PDZD2: variants seen among roughly 807,000 people sequenced by gnomAD.
The protein encoded by PDZD2 is PDZ domain containing 2.
A neutral mutation model predicts 220.7 loss-of-function variants in PDZD2; 90 were observed. The observed-to-expected ratio is 0.41, with a 90% CI of 0.34 to 0.49. PDZD2 has a LOEUF of 0.49. Ranked by LOEUF, PDZD2 falls within the 20% of genes least tolerant of loss-of-function variation. The pLI is 0.28. For missense variants in PDZD2, 3,174 were observed against 3,608.5 expected (o/e 0.88, Z 3.08); for synonymous variants, 1,375 against 1,450.5 (o/e 0.95, Z 1.18).
intron 1 of PDZD2, among the ~76,000 whole-genome samples, chr5:31,759,690 T>C (rs1447407396): frequency 2.0e-5 from 3 of 151,896 alleles, no homozygotes; most frequent in African/African-American, 7.3e-5. Context: ...GGATTACAGA[T>C]GCATGCCACC....
intron 1 of PDZD2, among the ~76,000 whole-genome samples, chr5:31,782,285 T>C (rs1753102871): frequency 6.6e-6 from 1 of 152,210 alleles, no homozygotes; most frequent in Non-Finnish European, 1.5e-5. Context: ...ACATGGGACA[T>C]ACCTACATTA....
chr5:32,052,184 T>C (rs558700612), intron 8 of PDZD2, among the ~76,000 whole-genome samples: 1 of 152,330 alleles, frequency 6.6e-6, no homozygotes, highest in East Asian at 1.9e-4. Flanking sequence ...CTCACTCTGT[T>C]GCCCAGGCTG....
intron 2 of PDZD2, among the ~76,000 whole-genome samples, chr5:31,819,457 G>T (rs1348126255): frequency 1.3e-5 from 2 of 152,014 alleles, no homozygotes; most frequent in Non-Finnish European, 2.9e-5. Flanking sequence ...AGGAGTTGAA[G>T]ACCAGCCTGA....
At chr5:32,012,364 C>T (rs1023235278) in intron 6 of PDZD2, among the ~76,000 whole-genome samples, 5 of 152,098 alleles carry the variant, frequency 3.3e-5, no homozygotes, top group Non-Finnish European at 5.9e-5. Flanking sequence ...CTTACAAGCA[C>T]GCATATTTTT....
rs1323343854 is a variant in PDZD2, at chr5:32,088,103, A to G, written c.4655A>G (p.Tyr1552Cys). ...ACGGAGCCGTCTCTGTCATCCATGTATGGCGATGCTGAGGATTCTTCTTCT... is the reference window on the plus strand; with the variant it reads ...ACGGAGCCGTCTCTGTCATCCATGTGTGGCGATGCTGAGGATTCTTCTTCT... ...DSTEPSLSSM[Y>C]GDAEDSSSDP... The change falls in exon 20 of 25, where the codon TAT becomes TGT. Residue 1552 changes from tyrosine (Y) to cysteine (C), a missense_variant. Tyr to Cys is a radical substitution (Grantham distance 194). Transcript: ENST00000438447. This position sits in a 1 kb window ranked among gnomAD's most constrained non-coding sequence, Gnocchi z 4.6. 2 of 1,614,162 alleles carry G rather than the reference A, an allele frequency of 1.2e-6. No homozygotes were observed. Among genetic ancestry groups the G allele is most frequent in the South Asian group, 2.2e-5 (2 of 91,084 alleles).
intron 19 of PDZD2, among the ~76,000 whole-genome samples, chr5:32,086,444 C>T (rs1374508766): frequency 3.3e-5 from 5 of 152,158 alleles, no homozygotes; most frequent in Non-Finnish European, 5.9e-5. Context: ...ATATCCATCA[C>T]ATCAAATGTA....
At chr5:31,678,763 C>T (rs1250257415) in intron 1 of PDZD2, among the ~76,000 whole-genome samples, 1 of 152,114 alleles carries the variant, frequency 6.6e-6, no homozygotes, top group African/African-American at 2.4e-5. Flanking sequence ...CTCGCCACCA[C>T]ACCTGGCTAA....
At chr5:32,093,847 G>A (rs1743405441) in intron 21 of PDZD2, among the ~76,000 whole-genome samples, 1 of 152,020 alleles carries the variant, frequency 6.6e-6, no homozygotes. Context: ...ACATGGTGGT[G>A]GGTGCCTGTA....
intron 2 of PDZD2, among the ~76,000 whole-genome samples, chr5:31,915,432 G>A (rs1020813488): frequency 1.3e-5 from 2 of 152,050 alleles, no homozygotes; most frequent in African/African-American, 4.8e-5. Context: ...CTTGCTACTT[G>A]TCCTCTGGGC....
chr5:31,971,001 A>G lies in PDZD2; in HGVS notation c.477-12154A>G, dbSNP rs138144051. On this transcript the variant is annotated intron_variant, in intron 2 of 24. Coordinates refer to ENST00000438447, the MANE Select transcript of PDZD2 (RefSeq NM_178140.4). ...GTGTCCAGAACTTCTGAATAGATCT[A>G]TGCATTCAGAATAGGTCAGATAGAC... Among the ~76,000 whole-genome samples the G allele has an allele frequency of 1.1e-4, 16 of 152,346 alleles. 1 individual carries two copies. Among genetic ancestry groups the G allele is most frequent in the African/African-American group, 3.4e-4 (14 of 41,570 alleles).
chr5:31,709,998 T>A (rs1367118298), intron 1 of PDZD2, among the ~76,000 whole-genome samples: 1 of 152,058 alleles, frequency 6.6e-6, no homozygotes, highest in Non-Finnish European at 1.5e-5. Flanking sequence ...TAAAAACTGG[T>A]TGAAAAGGAG....
chr5:31,665,954 C>A (rs2150114899), intron 1 of PDZD2, among the ~76,000 whole-genome samples: 1 of 152,324 alleles, frequency 6.6e-6, no homozygotes, highest in South Asian at 2.1e-4. Flanking sequence ...GGACCTCATT[C>A]ATTCACACGT....
intron 21 of PDZD2, among the ~76,000 whole-genome samples, chr5:32,095,735 TCTC>T (rs1303942834): frequency 6.8e-6 from 1 of 146,996 alleles, no homozygotes; most frequent in Non-Finnish European, 1.5e-5. Flanking sequence ...TTTTTTTCCT[TCTC>T]CTTTTTTTTT....
At chr5:32,053,977 A>T in intron 10 of PDZD2, 94 bp downstream of exon 10, 1 of 752,458 alleles carries the variant, frequency 1.3e-6, no homozygotes, top group Non-Finnish European at 2.4e-6. Flanking sequence ...CACAGTACCT[A>T]GTAGACCTCG....
rs10650316 is a variant in PDZD2 at position 31,693,240 on chromosome 5, C to CT, written c.-361+53822dup. On this transcript the variant is annotated intron_variant, in intron 1 of 24. Coordinates refer to ENST00000438447, the MANE Select transcript of PDZD2 (RefSeq NM_178140.4). ...GGGGCAGGAGGATAGTGGGAAAGCA[C>CT]TTTTTTTTTTTTTTTTTTTGAGACG... 3.4e-3 allele frequency among the ~76,000 whole-genome samples: 300 copies of CT among 87,748 alleles called. 18 individuals are homozygous for CT. The highest frequency in any genetic ancestry group is 0.011 in the Middle Eastern group (1 of 90). 57.6% of individuals were successfully genotyped at this position (87,748 alleles called of 152,430 possible). A position where few individuals can be genotyped will look rare whatever the true frequency, so the allele number is the denominator to read the frequency against.
intron 2 of PDZD2, among the ~76,000 whole-genome samples, chr5:31,920,673 G>A (rs936361091): frequency 1.3e-5 from 2 of 152,030 alleles, no homozygotes; most frequent in African/African-American, 2.4e-5. Flanking sequence ...CGAACCAGGC[G>A]TGGTGGTGTG....
chr5:31,781,308 T>C (rs1379109401), intron 1 of PDZD2, among the ~76,000 whole-genome samples: 2 of 152,094 alleles, frequency 1.3e-5, no homozygotes, highest in Non-Finnish European at 2.9e-5. Flanking sequence ...CAGCTACTCA[T>C]GAGGCTGAGG....
At chr5:32,070,093 G>A (rs1328147787) in intron 15 of PDZD2, among the ~76,000 whole-genome samples, 2 of 152,100 alleles carry the variant, frequency 1.3e-5, no homozygotes, top group Non-Finnish European at 2.9e-5. Flanking sequence ...TCGCTCAAGT[G>A]GAAAACTTCA....
chr5:31,673,683 A>T (rs947590102), intron 1 of PDZD2, among the ~76,000 whole-genome samples: 5 of 152,104 alleles, frequency 3.3e-5, no homozygotes, highest in African/African-American at 1.2e-4. Flanking sequence ...ATAAGAAGAG[A>T]TACTAGGCAG....
Sources: allele counts gnomAD v4.1 joint callset (sites outside exome capture counted in the v4.1 genomes callset), GRCh38; gene constraint gnomAD v4.1.1; non-coding constraint Gnocchi (gnomAD v3.1); transcripts MANE v1.5; gene names NCBI Gene and HGNC (gene_info 2026-07-23, HGNC 2026-07-21).